Variants in CDC42SE2 observed in about 807,000 individuals in gnomAD.
The protein encoded by CDC42SE2 is CDC42 small effector protein 2.
A neutral mutation model predicts 11.5 loss-of-function variants in CDC42SE2; 3 were observed. The observed-to-expected ratio is 0.26, with a 90% CI of 0.12 to 0.67. CDC42SE2 has a LOEUF of 0.67. Among genes scored for constraint, CDC42SE2 ranks in the 30% least tolerant of loss-of-function variants. CDC42SE2 has a pLI of 0.80. For missense variants in CDC42SE2, 82 were observed against 106.8 expected, an observed-to-expected ratio of 0.77 and a Z score of 1.02; for synonymous variants, 33 against 34.8, an observed-to-expected ratio of 0.95 and a Z score of 0.18.
intron 3 of CDC42SE2, among the ~76,000 whole-genome samples, chr5:131,373,280 G>A (rs557146730): frequency 2.0e-5 from 3 of 152,100 alleles, no homozygotes; most frequent in South Asian, 2.1e-4. Flanking sequence ...AGAGAGAACC[G>A]TGGATCAGAT....
chr5:131,260,790 C>T (rs1383251256), upstream of CDC42SE2, among the ~76,000 whole-genome samples: 2 of 151,992 alleles, frequency 1.3e-5, no homozygotes, highest in Non-Finnish European at 2.9e-5. Context: ...AAAAATTAGC[C>T]GGGCGTGGTG....
At chr5:131,344,101 G>A (rs181678282) in intron 2 of CDC42SE2, among the ~76,000 whole-genome samples, 1 of 152,302 alleles carries the variant, frequency 6.6e-6, no homozygotes, top group Non-Finnish European at 1.5e-5. Context: ...CAGCATGAGC[G>A]ACGCAGAAGA....
At chr5:131,334,590 G>A (rs965219249) in intron 2 of CDC42SE2, among the ~76,000 whole-genome samples, 1 of 152,092 alleles carries the variant, frequency 6.6e-6, no homozygotes, top group African/African-American at 2.4e-5. Flanking sequence ...GAATCTATGT[G>A]GTCCTGGACT....
At chr5:131,368,068 A>G (rs1749908763) in intron 3 of CDC42SE2, among the ~76,000 whole-genome samples, 1 of 151,976 alleles carries the variant, frequency 6.6e-6, no homozygotes, top group African/African-American at 2.4e-5. Flanking sequence ...CCTGGCTAAC[A>G]CGGTGAAACC....
chr5:131,251,236 G>C (rs10478978), intron 1 of CDC42SE2, among the ~76,000 whole-genome samples: 8,786 of 152,106 alleles, frequency 0.058, 470 homozygotes, highest in African/African-American at 0.14. Context: ...TTTGTAGTGC[G>C]CAAAAGAATA....
chr5:131,328,184 A>G (rs1415903331), intron 2 of CDC42SE2, among the ~76,000 whole-genome samples: 1 of 152,148 alleles, frequency 6.6e-6, no homozygotes, highest in African/African-American at 2.4e-5. Flanking sequence ...GCAATTCTGA[A>G]TTCTGAAAAA....
chr5:131,323,241 A>T (rs544258173), intron 2 of CDC42SE2, among the ~76,000 whole-genome samples: 2 of 149,734 alleles, frequency 1.3e-5, no homozygotes, highest in South Asian at 4.2e-4. Flanking sequence ...GCCCAGTGTC[A>T]TCTCAAACTC....
At chr5:131,287,637 T>G (rs1280748737) in intron 1 of CDC42SE2, among the ~76,000 whole-genome samples, 1 of 151,504 alleles carries the variant, frequency 6.6e-6, no homozygotes, top group Non-Finnish European at 1.5e-5. Flanking sequence ...TTTTTTTTCT[T>G]TTTTTTTGCA....
intron 1 of CDC42SE2, among the ~76,000 whole-genome samples, chr5:131,300,848 GATGA>G (rs1367739699): frequency 6.6e-6 from 1 of 151,998 alleles, no homozygotes; most frequent in African/African-American, 2.4e-5. Flanking sequence ...AGCAAAGAAG[GATGA>G]ATGGTCATTC....
At chr5:131,334,839 A>T (rs1758514930) in intron 2 of CDC42SE2, among the ~76,000 whole-genome samples, 1 of 151,984 alleles carries the variant, frequency 6.6e-6, no homozygotes, top group African/African-American at 2.4e-5. Flanking sequence ...TATTGGGTCT[A>T]TTTGATTCTT....
chr5:131,385,351 T>C (rs1750450211), intron 3 of CDC42SE2, among the ~76,000 whole-genome samples, 192 bp from the exon 4 acceptor site: 1 of 152,230 alleles, frequency 6.6e-6, no homozygotes, highest in African/African-American at 2.4e-5. Context: ...TAACCTGTTA[T>C]TTTGCTTTAC....
chr5:131,311,898 A>C (rs372399269), intron 1 of CDC42SE2, among the ~76,000 whole-genome samples: 5 of 152,092 alleles, frequency 3.3e-5, no homozygotes, highest in African/African-American at 1.2e-4. Flanking sequence ...AATGTCCTCC[A>C]GTAGCTCAGA....
intron 2 of CDC42SE2, among the ~76,000 whole-genome samples, chr5:131,349,498 A>G (rs978786640): frequency 6.6e-6 from 1 of 152,198 alleles, no homozygotes; most frequent in Non-Finnish European, 1.5e-5. Flanking sequence ...ATAATAATAA[A>G]AATTTCTAGT....
At chr5:131,322,906 A>G (rs1758221136) in intron 2 of CDC42SE2, among the ~76,000 whole-genome samples, 1 of 152,220 alleles carries the variant, frequency 6.6e-6, no homozygotes, top group African/African-American at 2.4e-5. Flanking sequence ...TATCACCAAC[A>G]GTGCACAAAG....
intron 1 of CDC42SE2, among the ~76,000 whole-genome samples, chr5:131,298,110 A>G (rs982527865): frequency 7.0e-6 from 1 of 142,520 alleles, no homozygotes; most frequent in Non-Finnish European, 1.5e-5. Flanking sequence ...TCATCTTTAA[A>G]TTTTTTTTTT....
intron 2 of CDC42SE2, among the ~76,000 whole-genome samples, chr5:131,330,595 G>T (rs1450952775): frequency 6.6e-6 from 1 of 152,160 alleles, no homozygotes; most frequent in African/African-American, 2.4e-5. Flanking sequence ...GCATTTGGCA[G>T]TGTCTGGAGA....
intron 3 of CDC42SE2, among the ~76,000 whole-genome samples, chr5:131,367,970 C>T (rs1749906557): frequency 6.6e-6 from 1 of 152,022 alleles, no homozygotes; most frequent in Non-Finnish European, 1.5e-5. Context: ...GAAGTCTTTC[C>T]TGGACAGGCA....
chr5:131,256,497 T>G (rs1219556396), intron 2 of CDC42SE2, among the ~76,000 whole-genome samples: 3 of 152,234 alleles, frequency 2.0e-5, no homozygotes, highest in Non-Finnish European at 4.4e-5. Flanking sequence ...TACTCTCTGT[T>G]GGTCAGAAGT....
intron 3 of CDC42SE2, among the ~76,000 whole-genome samples, 171 bp downstream of exon 3, chr5:131,359,718 A>G (rs551738667): frequency 6.6e-6 from 1 of 152,344 alleles, no homozygotes; most frequent in Non-Finnish European, 1.5e-5. Flanking sequence ...TAATGTTTTT[A>G]AAGTAAATAC....
Sources: gnomAD v4.1 joint callset for allele counts (sites outside exome capture counted in the v4.1 genomes callset) on GRCh38, gnomAD v4.1.1 for gene constraint, MANE v1.5 for transcripts, NCBI Gene and HGNC (gene_info 2026-07-23, HGNC 2026-07-21) for gene names.